ATPAF2: variants seen among roughly 807,000 people sequenced by gnomAD.
ATPAF2 encodes the protein ATP synthase mitochondrial F1 complex assembly factor 2.
A neutral mutation model predicts 36.6 loss-of-function variants in ATPAF2; 30 were observed. That is an observed-to-expected ratio of 0.82 (90% CI 0.61 to 1.11). The LOEUF (loss-of-function observed/expected upper bound fraction) is 1.11, where lower values mean the gene tolerates loss of function less well. Ranked by LOEUF, ATPAF2 falls within the 50% of genes most tolerant of loss-of-function variation. ATPAF2 has a pLI of 0.00. For synonymous variants in ATPAF2, 140 were observed against 152.6 expected (o/e 0.92, Z 0.61); for missense variants, 321 against 372.3 (o/e 0.86, Z 1.13).
intron 4 of ATPAF2, chr17:18,025,636 C>T (rs1181998714): frequency 6.4e-6 from 1 of 155,254 alleles, no homozygotes; most frequent in African/African-American, 2.4e-5. Context: ...GTATAGTTTT[C>T]AAGAATCCCC....
At position 18,018,672 on chromosome 17, in the gene ATPAF2, G is replaced by A. The variant is rs768886102; in HGVS notation, c.747C>T (p.Gly249=). 6.2e-7 allele frequency: 1 copy of A among 1,613,922 alleles called. No individual in the cohort carries two copies. The change falls in exon 8 of 8, where the codon GGC becomes GGT. Residue 249 remains glycine, a synonymous_variant. Coordinates refer to ENST00000474627, the MANE Select transcript of ATPAF2 (RefSeq NM_145691.4). ...CATAGTCATGGGCCCACTCAATGTT[G>A]CCCCACTTCTGGATCTGAGGGAAGG... The part of the protein sequence containing the change: ...LEEEYQIQKW[G]NIEWAHDYEL...
At chr17:18,026,487 C>T in intron 3 of ATPAF2, 71 bp from the exon 4 acceptor site, 1 of 1,173,734 alleles carries the variant, frequency 8.5e-7, no homozygotes, top group Non-Finnish European at 1.3e-6. Context: ...TTCCTGAGGA[C>T]ACCACATCTG....
rs1026101395 is a variant in ATPAF2, at chr17:18,022,730, A to C, written c.504-873T>G. 2.6e-5 allele frequency among the ~76,000 whole-genome samples: 4 copies of C among 151,880 alleles called. No homozygotes were observed. The South Asian group carries it at 6.2e-4, about 24-fold the overall frequency. On this transcript the variant is annotated intron_variant, in intron 5 of 7. Transcript: ENST00000474627. ...GCCTGGCTGAGAAGATACATTTTCA[A>C]GAATAATCATAACTAAATAAAACAG...
chr17:18,018,814 A>G (rs2044423644), intron 7 of ATPAF2, 128 bp from the exon 8 acceptor site: 1 of 1,385,982 alleles, frequency 7.2e-7, no homozygotes, highest in African/African-American at 1.4e-5. Flanking sequence ...AACACATGAG[A>G]CATGCCTAGG....
chr17:18,031,388 T>C (rs550141977), intron 1 of ATPAF2, among the ~76,000 whole-genome samples: 190 of 152,360 alleles, frequency 1.2e-3, no homozygotes, highest in Admixed American at 3.2e-3. Context: ...TTGCACTTAC[T>C]AAACTAAGGC....
rs1429304875 is a variant in ATPAF2 at position 18,018,068 on chromosome 17, CAGGCTGAGGCTG to C, written c.*469_*480del. On this transcript the variant is annotated 3_prime_UTR_variant, in exon 8 of 8. Coordinates refer to ENST00000474627, the MANE Select transcript of ATPAF2 (RefSeq NM_145691.4). ...TAAAAGCCAGCCAAAAAAAAGCCTT[CAGGCTGAGGCTG>C]AAGAACACAAATAGAGTTGTCTGTG... is the stretch of plus-strand genomic sequence containing the variant. 5.6e-6 allele frequency: 1 copy of C among 179,660 alleles called. No homozygotes were observed. Among genetic ancestry groups the C allele is most frequent in the East Asian group, 1.4e-4 (1 of 7,372 alleles). 11.1% of individuals were successfully genotyped at this position (179,660 alleles called of 1,614,324 possible).
At chr17:18,031,551 C>T (rs916920055) in intron 1 of ATPAF2, among the ~76,000 whole-genome samples, 6 of 151,744 alleles carry the variant, frequency 4.0e-5, no homozygotes, top group African/African-American at 1.2e-4. Flanking sequence ...GGGGCTGAGG[C>T]GGGCGGATCA....
At position 18,018,575 on chromosome 17, in the gene ATPAF2, CTG is replaced by C. The variant is rs780135033; in HGVS notation, c.842_843del (p.Thr281SerfsTer69). ...CACTCCTTCAGGAGCTTGTGCTTGA[CTG>C]TGGTGCTCTCGGAGCAGAGATGGAT... ...LFIHLCSEST[T>X]VKHKLLKE On this transcript the variant is annotated frameshift_variant, in exon 8 of 8. Coordinates refer to ENST00000474627, the MANE Select transcript of ATPAF2 (RefSeq NM_145691.4). LOFTEE classifies it high-confidence loss of function. 1 of 1,613,806 alleles carries C rather than the reference CTG, an allele frequency of 6.2e-7. No homozygotes were observed. Among genetic ancestry groups the C allele is most frequent in the Non-Finnish European group, 8.5e-7 (1 of 1,180,054 alleles).
downstream of ATPAF2, chr17:18,016,096 T>C (rs2044352241): frequency 6.2e-7 from 1 of 1,614,030 alleles, no homozygotes; most frequent in East Asian, 2.2e-5. Context: ...TTGTTAATGC[T>C]GTCGGGGCAT....
downstream of ATPAF2, chr17:18,016,425 C>T (rs1019652891): frequency 8.8e-6 from 7 of 793,128 alleles, no homozygotes; most frequent in African/African-American, 1.7e-5. Flanking sequence ...TCAGCAGAAC[C>T]TGGGGAGGCG....
Position 18,021,122 on chromosome 17 carries a change from C to T in ATPAF2, c.732+1G>A. ...GCGGGACCTGAGGTGCTGCTCCTCA[C>T]CTGGTACTCCTCCTCCAGGCGTGAC... On this transcript the variant is annotated splice_donor_variant, in intron 7 of 7. Transcript: ENST00000474627. LOFTEE classifies it high-confidence loss of function. 1 of 1,612,490 alleles carries T rather than the reference C, an allele frequency of 6.2e-7. No individual in the cohort carries two copies. The highest frequency in any genetic ancestry group is 2.2e-5 in the East Asian group (1 of 44,838).
At chr17:18,017,230 AAG>A (rs1388964987), downstream of ATPAF2, among the ~76,000 whole-genome samples, 1 of 148,808 alleles carries the variant, frequency 6.7e-6, no homozygotes, top group Non-Finnish European at 1.5e-5. Context: ...GAACAAGAGA[AAG>A]AGTTTGAGAT....
At chr17:18,025,236 C>G (rs1213190910) in intron 4 of ATPAF2, 1 of 207,638 alleles carries the variant, frequency 4.8e-6, no homozygotes, top group Admixed American at 5.3e-5. Context: ...GTTTATACCT[C>G]ATAAGTCCAC....
chr17:18,037,434 A>C (rs1456818091), intron 1 of ATPAF2, among the ~76,000 whole-genome samples: 1 of 152,000 alleles, frequency 6.6e-6, no homozygotes, highest in African/African-American at 2.4e-5. Flanking sequence ...AAATACAAAA[A>C]TTAGCAGGGC....
At chr17:18,031,563 G>A (rs1242405922) in intron 1 of ATPAF2, among the ~76,000 whole-genome samples, 3 of 151,882 alleles carry the variant, frequency 2.0e-5, no homozygotes, top group South Asian at 2.1e-4. Context: ...GGCGGATCAC[G>A]AGGTCAGGAG....
At chr17:18,016,703 CAT>C (rs373611996), downstream of ATPAF2, 12 of 1,425,718 alleles carry the variant, frequency 8.4e-6, no homozygotes, top group African/African-American at 8.4e-5. Context: ...TTCTTCAAAA[CAT>C]AGCACCAGCC....
chr17:18,027,876 G>C, intron 3 of ATPAF2: 1 of 322,870 alleles, frequency 3.1e-6, no homozygotes, highest in Admixed American at 4.1e-5. Flanking sequence ...GGAAGAGACA[G>C]ACAATAAATG....
intron 7 of ATPAF2, 57 bp from the exon 8 acceptor site, chr17:18,018,743 G>A: frequency 6.2e-7 from 1 of 1,612,412 alleles, no homozygotes; most frequent in Non-Finnish European, 8.5e-7. Flanking sequence ...GCTGCCTCCT[G>A]ACCAAAGCCA....
intron 2 of ATPAF2, 21 bp downstream of exon 2, chr17:18,028,594 G>C (rs780212457): frequency 1.3e-6 from 2 of 1,558,198 alleles, no homozygotes; most frequent in African/African-American, 1.4e-5. Flanking sequence ...AAAAGAGGCA[G>C]TCAAAATTTC....
Sources: allele counts gnomAD v4.1 joint callset (sites outside exome capture counted in the v4.1 genomes callset), GRCh38; gene constraint gnomAD v4.1.1; transcripts MANE v1.5; gene names NCBI Gene and HGNC (gene_info 2026-07-23, HGNC 2026-07-21).